MKLN1: variants seen among roughly 807,000 people sequenced by gnomAD.
MKLN1 encodes the protein muskelin.
A neutral mutation model predicts 99.0 loss-of-function variants in MKLN1; 18 were observed. The ratio of observed to expected loss-of-function variants is 0.18; its 90% CI spans 0.13 to 0.27. The LOEUF (loss-of-function observed/expected upper bound fraction) is 0.27, where lower values mean the gene tolerates loss of function less well. Among genes scored for constraint, MKLN1 ranks in the 10% least tolerant of loss-of-function variants. The pLI is 1.00. For missense variants in MKLN1, 621 were observed against 875.9 expected (o/e 0.71, Z 3.67); for synonymous variants, 288 against 293.2 (o/e 0.98, Z 0.18).
At chr7:131,397,002 CT>C (rs1040000699) in intron 4 of MKLN1, among the ~76,000 whole-genome samples, 1 of 152,140 alleles carries the variant, frequency 6.6e-6, no homozygotes, top group African/African-American at 2.4e-5. Flanking sequence ...TCATCTAATT[CT>C]GGTGGCATTT....
chr7:131,431,966 C>T (rs1438794453), intron 9 of MKLN1, among the ~76,000 whole-genome samples: 1 of 152,150 alleles, frequency 6.6e-6, no homozygotes, highest in East Asian at 1.9e-4. Flanking sequence ...AAACTCAGTT[C>T]AGACTTCACT....
At chr7:131,481,922 G>A (rs1169031511) in intron 17 of MKLN1, among the ~76,000 whole-genome samples, 1 of 150,886 alleles carries the variant, frequency 6.6e-6, no homozygotes, top group East Asian at 1.9e-4. Context: ...TATTAATATT[G>A]TATGTAAAAT....
At chr7:131,114,234 G>T (rs1795240684) in intron 1 of MKLN1, among the ~76,000 whole-genome samples, 1 of 152,106 alleles carries the variant, frequency 6.6e-6, no homozygotes, top group South Asian at 2.1e-4. Flanking sequence ...ATTATATCCT[G>T]CAGATATATC....
At chr7:131,402,779 T>C (rs1354262162) in intron 6 of MKLN1, among the ~76,000 whole-genome samples, 1 of 152,160 alleles carries the variant, frequency 6.6e-6, no homozygotes, top group Non-Finnish European at 1.5e-5. Context: ...AGAAATCTTT[T>C]TTTCTTTTTC....
At chr7:131,415,983 A>G (rs550528572) in intron 8 of MKLN1, among the ~76,000 whole-genome samples, 128 of 152,052 alleles carry the variant, frequency 8.4e-4, no homozygotes, top group South Asian at 1.9e-3. Context: ...TAAAATAGAG[A>G]TGAGGTTTTG....
At chr7:131,174,147 T>C (rs1368645234) in intron 2 of MKLN1, among the ~76,000 whole-genome samples, 1 of 152,058 alleles carries the variant, frequency 6.6e-6, no homozygotes, top group Admixed American at 6.5e-5. Flanking sequence ...TAATTTTTTG[T>C]ATTTTTAGTA....
In MKLN1 at chr7:131,487,067, A is replaced by G. The variant is rs553330261; in HGVS notation, c.2087-540A>G. Among the ~76,000 whole-genome samples the G allele has an allele frequency of 2.1e-4, 32 of 152,150 alleles. No homozygotes were observed. Among genetic ancestry groups the G allele is most frequent in the Admixed American group, 7.9e-4 (12 of 15,278 alleles). On this transcript the variant is annotated intron_variant, in intron 17 of 17. Transcript: ENST00000352689. The surrounding 1 kb of genome is among the most constrained non-coding windows in gnomAD (Gnocchi z 4.7). ...ATCTCCCTCAGTCGTCTCTGTTACCACTCAGTTCCCTGAGACTACTTCCAG... is the reference window on the plus strand; with the variant it reads ...ATCTCCCTCAGTCGTCTCTGTTACCGCTCAGTTCCCTGAGACTACTTCCAG...
At chr7:131,348,577 T>C (rs927592456) in intron 1 of MKLN1, among the ~76,000 whole-genome samples, 2 of 152,002 alleles carry the variant, frequency 1.3e-5, no homozygotes, top group Non-Finnish European at 2.9e-5. Flanking sequence ...TTTAAAAATA[T>C]TTGTAGATCC....
chr7:131,463,418 T>C (rs760448684), intron 13 of MKLN1, 54 bp downstream of exon 13: 4 of 1,536,550 alleles, frequency 2.6e-6, no homozygotes, highest in Non-Finnish European at 3.6e-6. Context: ...TTTGAGGTTG[T>C]TGGTTTATTC....
intron 3 of MKLN1, among the ~76,000 whole-genome samples, chr7:131,264,195 A>G (rs62472000): frequency 0.021 from 3,234 of 152,316 alleles, 58 homozygotes; most frequent in Middle Eastern, 0.051. Context: ...TACTAAAGAC[A>G]GAACACTTTG....
At chr7:131,251,121 G>GTGTA (rs59946762) in intron 3 of MKLN1, among the ~76,000 whole-genome samples, 6,751 of 148,058 alleles carry the variant, frequency 0.046, 356 homozygotes, top group South Asian at 0.23. Context: ...GTGTGTGTGT[G>GTGTA]TGTGTACCAT....
upstream of MKLN1, among the ~76,000 whole-genome samples, chr7:131,326,009 C>A (rs1460861549): frequency 6.6e-6 from 1 of 151,894 alleles, no homozygotes; most frequent in African/African-American, 2.4e-5. Flanking sequence ...AGGATTTAAG[C>A]TTAAGAAGAA....
At chr7:131,315,560 C>T (rs1798651976) in intron 3 of MKLN1, among the ~76,000 whole-genome samples, 1 of 152,188 alleles carries the variant, frequency 6.6e-6, no homozygotes, top group Non-Finnish European at 1.5e-5. Context: ...CTGTTCACTC[C>T]CCTGGAAAGG....
chr7:131,313,037 A>G (rs1170507259), intron 3 of MKLN1, among the ~76,000 whole-genome samples: 2 of 152,240 alleles, frequency 1.3e-5, no homozygotes, highest in African/African-American at 4.8e-5. Flanking sequence ...ACCAAAAAAT[A>G]CCATAAAAGC....
intron 8 of MKLN1, 85 bp downstream of exon 8, chr7:131,414,795 G>C (rs1016306489): frequency 3.6e-4 from 39 of 107,522 alleles, no homozygotes; most frequent in Admixed American, 8.8e-4. Flanking sequence ...AGGAAGGGGC[G>C]GGGGGTGGGG....
intron 1 of MKLN1, among the ~76,000 whole-genome samples, chr7:131,120,530 C>T (rs1190512161): frequency 9.8e-6 from 1 of 102,196 alleles, no homozygotes; most frequent in Non-Finnish European, 1.8e-5. Flanking sequence ...GCCTGGGAGA[C>T]AGAGCAAGAC....
At chr7:131,326,091 A>G (rs183792905), upstream of MKLN1, among the ~76,000 whole-genome samples, 480 of 152,356 alleles carry the variant, frequency 3.2e-3, no homozygotes, top group Non-Finnish European at 4.3e-3. Flanking sequence ...CTTGACTTAC[A>G]TTAAGGTAAG....
Position 131,383,603 on chromosome 7 carries a change from A to G in MKLN1, c.169-3517A>G, listed in dbSNP as rs370736601. ...TTATTACATAACCTCAGATATACAT[A>G]GATATAAAATCTGGACTTTTCTAGT... On this transcript the variant is annotated intron_variant, in intron 2 of 17. Transcript: ENST00000352689. Among the ~76,000 whole-genome samples the G allele has an allele frequency of 2.0e-5, 3 of 152,342 alleles. No homozygotes were observed. The South Asian group carries it at 6.2e-4, about 32-fold the overall frequency.
chr7:131,179,837 A>G (rs1196877606), intron 2 of MKLN1, among the ~76,000 whole-genome samples: 1 of 151,796 alleles, frequency 6.6e-6, no homozygotes, highest in African/African-American at 2.4e-5. Context: ...GCCTCCCAAA[A>G]TGCTGGCATT....
Sources: gnomAD v4.1 joint callset for allele counts (sites outside exome capture counted in the v4.1 genomes callset) on GRCh38, gnomAD v4.1.1 for gene constraint, Gnocchi (gnomAD v3.1) non-coding constraint, MANE v1.5 for transcripts, NCBI Gene and HGNC (gene_info 2026-07-23, HGNC 2026-07-21) for gene names.